Variants in IFI16 observed in about 807,000 individuals in gnomAD.
IFI16 encodes gamma-interferon-inducible protein 16.
In IFI16, 49 loss-of-function variants were observed where a neutral mutation model predicts 68.4. The observed-to-expected ratio is 0.72, with a 90% CI of 0.57 to 0.91. IFI16 has a LOEUF of 0.91. Among genes scored for constraint, IFI16 ranks in the 40% least tolerant of loss-of-function variants. The pLI is 0.00. For missense variants in IFI16, 878 were observed against 942.9 expected (o/e 0.93, Z 0.90); for synonymous variants, 307 against 315.0 (o/e 0.97, Z 0.27).
chr1:159,049,740 T>G (rs1655225394), intron 9 of IFI16, 141 bp downstream of exon 9: 1 of 868,484 alleles, frequency 1.2e-6, no homozygotes, highest in Non-Finnish European at 1.8e-6. Context: ...TTATCAAGTG[T>G]GTATTTTGAG....
chr1:159,018,029 G>T (rs1653044977), intron 4 of IFI16, among the ~76,000 whole-genome samples, 200 bp from the exon 5 acceptor site: 1 of 152,134 alleles, frequency 6.6e-6, no homozygotes, highest in Non-Finnish European at 1.5e-5. Context: ...TCACTATATG[G>T]TCTCCTCTGT....
rs1172572820 is a variant in IFI16 at position 159,051,829 on chromosome 1, A to T, written c.1816A>T (p.Thr606Ser). ...QKKMFHATVATENEVFRVKVF... is the reference protein window; with the variant it reads ...QKKMFHATVASENEVFRVKVF... ...GAAAATGTTTCATGCCACAGTGGCA[A>T]CTGAGAATGAAGTCTTCCGAGTGAA... is the stretch of plus-strand genomic sequence containing the variant. The change falls in exon 10 of 12, where the codon ACT (threonine) becomes TCT (serine). Residue 606 changes from threonine to serine, a missense_variant. By Grantham distance (58) the Thr-to-Ser change is moderately conservative. Transcript: ENST00000295809. 2.5e-6 allele frequency: 4 copies of T among 1,614,076 alleles called. No individual in the cohort carries two copies. The highest frequency in any genetic ancestry group is 2.5e-6 in the Non-Finnish European group (3 of 1,180,004).
chr1:159,002,561 A>G (rs1223285309), upstream of IFI16, among the ~76,000 whole-genome samples: 2 of 152,110 alleles, frequency 1.3e-5, no homozygotes, highest in Non-Finnish European at 2.9e-5. Context: ...CTATTACCTC[A>G]TACCATTTGT....
At chr1:159,047,242 A>G (rs567884134) in intron 8 of IFI16, among the ~76,000 whole-genome samples, 1 of 151,314 alleles carries the variant, frequency 6.6e-6, no homozygotes, top group East Asian at 1.9e-4. Flanking sequence ...GGCTTTCTAC[A>G]TACAGGTTTT....
chr1:159,053,471 TC>T, intron 10 of IFI16, 61 bp from the exon 11 acceptor site: 2 of 1,247,654 alleles, frequency 1.6e-6, no homozygotes, highest in South Asian at 2.7e-5. Context: ...ACCCTGTATT[TC>T]TCATAGATTT....
At chr1:159,015,645 G>A in intron 2 of IFI16, 1 of 484,236 alleles carries the variant, frequency 2.1e-6, no homozygotes, top group Non-Finnish European at 3.7e-6. Context: ...CAGGGGAGGA[G>A]TGAGGAAAGT....
chr1:159,023,737 A>G (rs911891305), intron 6 of IFI16, among the ~76,000 whole-genome samples: 8 of 152,162 alleles, frequency 5.3e-5, no homozygotes, highest in African/African-American at 1.9e-4. Flanking sequence ...GTCCTCTACA[A>G]TATCACCATA....
At chr1:159,039,684 T>C (rs1654510168) in intron 7 of IFI16, among the ~76,000 whole-genome samples, 1 of 152,054 alleles carries the variant, frequency 6.6e-6, no homozygotes, top group South Asian at 2.1e-4. Flanking sequence ...CAGAAAAGAC[T>C]CAATCTTTTC....
intron 6 of IFI16, among the ~76,000 whole-genome samples, chr1:159,025,289 A>C (rs1356438848): frequency 1.3e-5 from 2 of 151,990 alleles, no homozygotes; most frequent in Non-Finnish European, 2.9e-5. Context: ...GGCCTTGGGG[A>C]TGAGGGGCAT....
intron 8 of IFI16, among the ~76,000 whole-genome samples, chr1:159,047,828 G>T (rs921253185): frequency 3.3e-5 from 5 of 150,560 alleles, no homozygotes; most frequent in African/African-American, 1.2e-4. Context: ...TATTACCTTT[G>T]ATTTATGCTG....
chr1:159,003,467 C>T (rs959692953), upstream of IFI16, among the ~76,000 whole-genome samples: 1 of 152,116 alleles, frequency 6.6e-6, no homozygotes, highest in Non-Finnish European at 1.5e-5. Context: ...GGAGCTCGAT[C>T]TCTGTTACCT....
intron 5 of IFI16, among the ~76,000 whole-genome samples, chr1:159,019,625 A>AT (rs1653172549): frequency 6.6e-6 from 1 of 151,860 alleles, no homozygotes; most frequent in South Asian, 2.1e-4. Flanking sequence ...CGCCTGGCTA[A>AT]ATTTTTTGTA....
At chr1:159,000,622 C>A (rs1180116276) in intron 1 of IFI16, among the ~76,000 whole-genome samples, 3 of 152,138 alleles carry the variant, frequency 2.0e-5, no homozygotes, top group Admixed American at 1.3e-4. Context: ...CAACACAATG[C>A]ACATATTTCA....
chr1:159,019,230 T>C (rs547203938), intron 5 of IFI16, among the ~76,000 whole-genome samples: 15 of 149,286 alleles, frequency 1.0e-4, no homozygotes, highest in African/African-American at 3.8e-4. Context: ...GAAAATCAGG[T>C]AATCTAAATT....
intron 6 of IFI16, among the ~76,000 whole-genome samples, chr1:159,020,962 A>C (rs1197440126): frequency 6.6e-6 from 1 of 152,162 alleles, no homozygotes; most frequent in Non-Finnish European, 1.5e-5. Context: ...ATTTGCAGTG[A>C]TCAAAATTAT....
chr1:159,020,636 C>A, intron 6 of IFI16, 107 bp downstream of exon 6: 1 of 652,330 alleles, frequency 1.5e-6, no homozygotes. Context: ...CAGCGGGAGG[C>A]ATGAGAAAAC....
Position 159,015,717 on chromosome 1 carries a change from G to T in IFI16, c.266-155G>T, listed in dbSNP as rs1652874799. The T allele has an allele frequency of 8.3e-6, 5 of 605,236 alleles. 1 individual carries two copies. The South Asian group carries it at 9.8e-5, about 12-fold the overall frequency. The allele number at this position is 605,236 out of a possible 1,614,324, so 37.5% of individuals were successfully genotyped here. On this transcript the variant is annotated intron_variant, in intron 2 of 11. Transcript: ENST00000295809. ...TGACTGCTGGTCTCCTTAAGGCCAG[G>T]CTGGGCTAATGCAGTAGAGCTAGAC...
chr1:159,039,907 G>A (rs576289888), intron 7 of IFI16, among the ~76,000 whole-genome samples: 171 of 152,260 alleles, frequency 1.1e-3, no homozygotes, highest in African/African-American at 3.9e-3. Flanking sequence ...CCTCTTCAAA[G>A]GTGTATTTGC....
At position 159,051,827 on chromosome 1, in the gene IFI16, C is replaced by T. The variant is rs147125989; in HGVS notation, c.1814C>T (p.Ala605Val). 3.0e-5 allele frequency: 49 copies of T among 1,614,138 alleles called. No individual in the cohort carries two copies. The African/African-American group carries it at 6.0e-4, about 20-fold the overall frequency. ...EQKKMFHATVATENEVFRVKV... is the reference protein window; with the variant it reads ...EQKKMFHATVVTENEVFRVKV... ...AAGAAAATGTTTCATGCCACAGTGG[C>T]AACTGAGAATGAAGTCTTCCGAGTG... The change falls in exon 10 of 12, where the codon GCA becomes GTA. Residue 605 changes from alanine (A) to valine (V), a missense_variant. This residue lies in a region of IFI16 where 311 missense variants were observed against 305.1 expected (regional missense o/e 1.02). Transcript: ENST00000295809.
Sources: gnomAD v4.1 joint callset for allele counts (sites outside exome capture counted in the v4.1 genomes callset) on GRCh38, gnomAD v4.1.1 for gene constraint, gnomAD v4.1.1 regional missense constraint, MANE v1.5 for transcripts, NCBI Gene and HGNC (gene_info 2026-07-23, HGNC 2026-07-21) for gene names.